PUS10: variants seen among roughly 807,000 people sequenced by gnomAD.
PUS10 encodes the protein tRNA pseudouridine synthase Pus10.
A neutral mutation model predicts 75.0 loss-of-function variants in PUS10; 59 were observed. The observed-to-expected ratio is 0.79, with a 90% CI of 0.64 to 0.98. The LOEUF (loss-of-function observed/expected upper bound fraction) is 0.98, where lower values mean the gene tolerates loss of function less well. PUS10 is among the 50% of genes least tolerant of loss of function. The pLI, the probability that PUS10 is intolerant of heterozygous loss-of-function variation, is 0.00. For missense variants in PUS10, 650 were observed against 614.4 expected (o/e 1.06, Z -0.61); for synonymous variants, 219 against 211.6 (o/e 1.03, Z -0.30).
intron 4 of PUS10, among the ~76,000 whole-genome samples, chr2:60,981,828 C>T (rs1319432849): frequency 6.6e-6 from 1 of 152,072 alleles, no homozygotes; most frequent in Non-Finnish European, 1.5e-5. Context: ...CCACTGTATA[C>T]TCTTAAAAGA....
rs146653215 is a variant in PUS10, at chr2:60,942,415, G to A, written c.1570C>T (p.Pro524Ser). 1.5e-5 allele frequency: 25 copies of A among 1,613,174 alleles called. No homozygotes were observed. The highest frequency in any genetic ancestry group is 2.1e-5 in the Non-Finnish European group (25 of 1,179,268). ...LDVESVDVDWPPALDD is the reference protein window; with the variant it reads ...LDVESVDVDWSPALDD ...GAAAGCTAGTCATCCAGAGCAGGTG[G>A]CCAGTCAACATCTACAGACTAGAAG... The change falls in exon 18 of 18, where the codon CCA becomes TCA. Residue 524 changes from proline (P) to serine (S), a missense_variant. Pro to Ser is a moderately conservative substitution (Grantham distance 74). Coordinates refer to ENST00000316752, the MANE Select transcript of PUS10 (RefSeq NM_144709.4).
intron 4 of PUS10, among the ~76,000 whole-genome samples, chr2:60,991,854 GA>G (rs1476688917): frequency 3.9e-5 from 6 of 152,202 alleles, no homozygotes; most frequent in Non-Finnish European, 7.4e-5. Context: ...ACGAAAATTG[GA>G]GGGGAAAAGT....
Position 60,977,090 on chromosome 2 carries a change from G to A in PUS10, c.469-5533C>T, listed in dbSNP as rs532817564. The stretch of plus-strand genomic sequence containing the variant: ...TGAATAAGTGCTTGCTAAAGTGCTT[G>A]TGTACTCTGCTAACACTAACACACA... On this transcript the variant is annotated intron_variant, in intron 4 of 17. Coordinates refer to ENST00000316752, the MANE Select transcript of PUS10 (RefSeq NM_144709.4). Among the ~76,000 whole-genome samples, 30 of 152,302 alleles carry A rather than the reference G, an allele frequency of 2.0e-4. No homozygotes were observed. In the South Asian group the frequency reaches 6.0e-3, roughly 31 times the overall value.
chr2:60,999,032 A>G (rs979634743), intron 4 of PUS10: 1 of 152,346 alleles, frequency 6.6e-6, no homozygotes, highest in Non-Finnish European at 1.5e-5. Flanking sequence ...AAAAGACAAT[A>G]TATACATTTA....
chr2:61,009,572 T>C (rs144790588), intron 2 of PUS10, among the ~76,000 whole-genome samples: 1 of 152,326 alleles, frequency 6.6e-6, no homozygotes, highest in African/African-American at 2.4e-5. Flanking sequence ...AGTTAGCATA[T>C]GATTACAAAC....
chr2:61,006,381 T>C (rs1234157180), intron 4 of PUS10, among the ~76,000 whole-genome samples, 176 bp downstream of exon 4: 1 of 152,248 alleles, frequency 6.6e-6, no homozygotes, highest in Non-Finnish European at 1.5e-5. Flanking sequence ...TAATTCCTTT[T>C]GTCATTCACT....
At chr2:60,947,555 C>T (rs1189435798) in intron 16 of PUS10, among the ~76,000 whole-genome samples, 1 of 152,140 alleles carries the variant, frequency 6.6e-6, no homozygotes, top group African/African-American at 2.4e-5. Flanking sequence ...TTAGGCCAGG[C>T]GCGGTGGCTC....
rs1440195893 is a variant in PUS10, at chr2:60,962,551, G to A, written c.788+275C>T. 3.3e-5 allele frequency among the ~76,000 whole-genome samples: 5 copies of A among 152,092 alleles called. No homozygotes were observed. In the East Asian group the frequency reaches 9.7e-4, roughly 29 times the overall value. ...ACTGCTCCACTGCACTCCAGCCTGG[G>A]CAACAAAAGTGAAACTCTGTCTCAA... On this transcript the variant is annotated intron_variant, in intron 9 of 17. Coordinates refer to ENST00000316752, the MANE Select transcript of PUS10 (RefSeq NM_144709.4).
intron 4 of PUS10, among the ~76,000 whole-genome samples, chr2:60,996,934 G>C (rs984729551): frequency 3.3e-5 from 5 of 152,296 alleles, no homozygotes; most frequent in African/African-American, 1.2e-4. Context: ...TTGGGTGGTG[G>C]CCTGGATAAG....
chr2:60,961,617 C>A, intron 9 of PUS10, 69 bp from the exon 10 acceptor site: 1 of 1,340,344 alleles, frequency 7.5e-7, no homozygotes, highest in Non-Finnish European at 1.1e-6. Flanking sequence ...TTAGATGAAT[C>A]AGCATTGTCT....
intron 3 of PUS10, 22 bp downstream of exon 3, chr2:61,008,739 T>C: frequency 6.6e-7 from 1 of 1,513,468 alleles, no homozygotes; most frequent in East Asian, 2.3e-5. Context: ...ATTGCACCTA[T>C]AATGAAAAAC....
intron 10 of PUS10, 151 bp downstream of exon 10, chr2:60,961,312 A>G: frequency 1.5e-6 from 1 of 667,648 alleles, no homozygotes; most frequent in Non-Finnish European, 2.7e-6. Context: ...AAAACCTAAA[A>G]TAAGTTTGGC....
At chr2:60,944,325 T>C (rs573678229) in intron 17 of PUS10, 5 of 641,784 alleles carry the variant, frequency 7.8e-6, no homozygotes, top group African/African-American at 5.9e-5. Context: ...TTGATTACCA[T>C]AGATGTTTTC....
intron 4 of PUS10, among the ~76,000 whole-genome samples, chr2:60,995,712 A>G (rs996336001): frequency 1.3e-5 from 2 of 152,208 alleles, no homozygotes; most frequent in Non-Finnish European, 1.5e-5. Context: ...AAGAAAAAGG[A>G]TGTGTTTCAT....
At chr2:60,947,574 AATCAC>A (rs1425193467) in intron 16 of PUS10, among the ~76,000 whole-genome samples, 1 of 152,220 alleles carries the variant, frequency 6.6e-6, no homozygotes, top group Non-Finnish European at 1.5e-5. Context: ...TCACGCCTGT[AATCAC>A]AGCACTTCGG....
intron 6 of PUS10, chr2:60,966,156 G>A (rs1418375521): frequency 6.6e-6 from 1 of 151,578 alleles, no homozygotes; most frequent in Non-Finnish European, 1.5e-5. Context: ...TTATATCATG[G>A]AAATCTTTTC....
intron 11 of PUS10, among the ~76,000 whole-genome samples, chr2:60,955,975 TTA>T (rs1048770961): frequency 1.3e-5 from 2 of 152,158 alleles, no homozygotes; most frequent in African/African-American, 2.4e-5. Context: ...AGCAAATTCA[TTA>T]TATATGATTA....
At chr2:61,009,710 T>G (rs1414273085) in intron 2 of PUS10, 2 of 152,306 alleles carry the variant, frequency 1.3e-5, no homozygotes, top group African/African-American at 4.8e-5. Flanking sequence ...CAGATATTCC[T>G]CTCATCAAAA....
intron 4 of PUS10, among the ~76,000 whole-genome samples, chr2:60,998,140 T>C (rs1003793963): frequency 2.6e-5 from 4 of 152,172 alleles, no homozygotes; most frequent in Non-Finnish European, 4.4e-5. Context: ...AGAAAAAATA[T>C]AGTCCTTTAG....
Sources: gnomAD v4.1 joint callset for allele counts (sites outside exome capture counted in the v4.1 genomes callset) on GRCh38, gnomAD v4.1.1 for gene constraint, MANE v1.5 for transcripts, NCBI Gene and HGNC (gene_info 2026-07-23, HGNC 2026-07-21) for gene names.